The following C8A variants were observed in gnomAD, a reference collection of about 807,000 sequenced individuals.
C8A encodes the protein complement component C8 alpha chain.
Under a neutral mutation model 65.3 loss-of-function variants are expected in C8A, and 67 were observed. The observed-to-expected ratio is 1.03, with a 90% confidence interval of 0.84 to 1.26. C8A has a LOEUF of 1.26. Ranked by LOEUF, C8A falls within the 50% of genes most tolerant of loss-of-function variation. The pLI, the probability that C8A is intolerant of heterozygous loss-of-function variation, is 0.00. For synonymous variants in C8A, 290 were observed against 259.4 expected (o/e 1.12, Z -1.13); for missense variants, 781 against 723.9 (o/e 1.08, Z -0.90).
intron 7 of C8A, among the ~76,000 whole-genome samples, chr1:56,895,741 C>G (rs1644383054): frequency 6.6e-6 from 1 of 152,016 alleles, no homozygotes; most frequent in Non-Finnish European, 1.5e-5. Context: ...GAGTTTGAGA[C>G]CAGCCTGGGC....
chr1:56,900,756 C>T (rs1408507114), intron 7 of C8A, among the ~76,000 whole-genome samples: 2 of 152,322 alleles, frequency 1.3e-5, no homozygotes, highest in African/African-American at 2.4e-5. Flanking sequence ...CTAAAGTCAG[C>T]CAATCCCCAA....
chr1:56,903,342 A>T (rs774165700), intron 7 of C8A, among the ~76,000 whole-genome samples: 1 of 151,806 alleles, frequency 6.6e-6, no homozygotes, highest in Non-Finnish European at 1.5e-5. Flanking sequence ...TTTGCTTGGC[A>T]CTTCTTCTTG....
chr1:56,912,460 C>T lies in C8A; in HGVS notation c.1438C>T (p.Arg480Cys), dbSNP rs774470099. ...HTSLGPLEAKRQNLRRALDQY... is the reference protein window; with the variant it reads ...HTSLGPLEAKCQNLRRALDQY... ...AAGCCTGGGGCCTCTGGAGGCCAAG[C>T]GCCAGAACCTGCGCCGCGCCTTGGA... The change falls in exon 10 of 11, where the codon CGC (arginine) becomes TGC (cysteine). Residue 480 changes from arginine (R) to cysteine (C), a missense_variant. By Grantham distance (180) the Arg-to-Cys change is radical. Transcript: ENST00000361249. 9.9e-6 allele frequency: 16 copies of T among 1,614,220 alleles called. No individual in the cohort carries two copies. Among genetic ancestry groups the T allele is most frequent in the East Asian group, 6.7e-5 (3 of 44,880 alleles).
chr1:56,896,722 T>C (rs1442212027), intron 7 of C8A, among the ~76,000 whole-genome samples: 1 of 152,146 alleles, frequency 6.6e-6, no homozygotes, highest in African/African-American at 2.4e-5. Context: ...CATAGGAAGA[T>C]AGACATGTGG....
Position 56,886,124 on chromosome 1 carries a change from T to C in C8A, c.1053T>C (p.Tyr351=). 6.2e-7 allele frequency: 1 copy of C among 1,614,038 alleles called. No homozygotes were observed. The highest frequency in any genetic ancestry group is 8.5e-7 in the Non-Finnish European group (1 of 1,179,920). ...CATCTGGATCCATGGGTGGCATTTA[T>C]GAATATATCCTGGTGATTGACAAAG... ...YITSGSMGGI[Y]EYILVIDKAK... The change falls in exon 7 of 11, where the codon TAT becomes TAC. Residue 351 remains tyrosine (Y), a synonymous_variant. Transcript: ENST00000361249.
chr1:56,865,290 T>C (rs924539285), intron 1 of C8A, among the ~76,000 whole-genome samples: 3 of 152,224 alleles, frequency 2.0e-5, no homozygotes, highest in African/African-American at 7.2e-5. Flanking sequence ...GCAGCAAGCA[T>C]TTATTCTTCA....
intron 1 of C8A, among the ~76,000 whole-genome samples, chr1:56,861,415 C>T (rs1312452544): frequency 6.6e-6 from 1 of 152,132 alleles, no homozygotes; most frequent in Non-Finnish European, 1.5e-5. Flanking sequence ...TACAACAACT[C>T]ATTTCCATGG....
chr1:56,912,723 C>T, intron 10 of C8A, 98 bp downstream of exon 10: 2 of 1,075,598 alleles, frequency 1.9e-6, no homozygotes, highest in Non-Finnish European at 2.8e-6. Context: ...CCTTTTGGAG[C>T]TCTCCTAGCC....
chr1:56,906,854 G>T, intron 8 of C8A, 62 bp downstream of exon 8: 1 of 1,601,942 alleles, frequency 6.2e-7, no homozygotes, highest in African/African-American at 1.3e-5. Context: ...GACACACACT[G>T]GGACATGGAA....
intron 6 of C8A, 26 bp downstream of exon 6, chr1:56,883,707 C>A: frequency 1.3e-6 from 2 of 1,574,626 alleles, no homozygotes; most frequent in Non-Finnish European, 1.7e-6. Context: ...GTCTGTGTCT[C>A]ACAGTATTCC....
At chr1:56,859,042 T>C (rs539605125) in intron 1 of C8A, among the ~76,000 whole-genome samples, 2 of 152,368 alleles carry the variant, frequency 1.3e-5, no homozygotes, top group Non-Finnish European at 2.9e-5. Flanking sequence ...AAAATTATTT[T>C]TATTACCCTA....
chr1:56,875,189 C>T, intron 3 of C8A, 96 bp downstream of exon 3: 1 of 1,404,594 alleles, frequency 7.1e-7, no homozygotes, highest in South Asian at 1.2e-5. Context: ...ACTCCTGAGC[C>T]CTTCCTCTCG....
At chr1:56,909,036 C>T (rs889854464) in intron 9 of C8A, among the ~76,000 whole-genome samples, 23 of 152,340 alleles carry the variant, frequency 1.5e-4, no homozygotes, top group African/African-American at 5.1e-4. Flanking sequence ...ATGCACAGAA[C>T]AGACCCCACA....
rs74837045 is a variant in C8A at position 56,896,773 on chromosome 1, G to A, written c.1097-9894G>A. Among the ~76,000 whole-genome samples, 30 of 152,314 alleles carry A rather than the reference G, an allele frequency of 2.0e-4. No homozygotes were observed. In the East Asian group the frequency reaches 5.8e-3, roughly 29 times the overall value. On this transcript the variant is annotated intron_variant, in intron 7 of 10. Coordinates refer to ENST00000361249, the MANE Select transcript of C8A (RefSeq NM_000562.3). ...ATGTCAATAACAACTGTGGAGCTAG[G>A]TCTGGAAAGTCTCATGTAATCAAGT...
At chr1:56,878,759 T>C (rs902787344) in intron 4 of C8A, among the ~76,000 whole-genome samples, 1 of 152,112 alleles carries the variant, frequency 6.6e-6, no homozygotes, top group Non-Finnish European at 1.5e-5. Flanking sequence ...CTCTCTCCCT[T>C]CCCTCCCTAG....
rs1206374404 is a variant in C8A at position 56,862,706 on chromosome 1, AAG to A, written c.78-4901_78-4900del. 5.3e-5 allele frequency among the ~76,000 whole-genome samples: 8 copies of A among 152,276 alleles called. No individual in the cohort carries two copies. In the East Asian group the frequency reaches 1.6e-3, roughly 30 times the overall value. ...AGCCCAGCAGATGAGAGGCAAACTG[AAG>A]ATTAGAAGCAAAGACTCCTGAGTCC... On this transcript the variant is annotated intron_variant, in intron 1 of 10. Coordinates refer to ENST00000361249, the MANE Select transcript of C8A (RefSeq NM_000562.3).
intron 7 of C8A, among the ~76,000 whole-genome samples, chr1:56,889,260 C>T (rs1164900816): frequency 6.6e-6 from 1 of 152,158 alleles, no homozygotes; most frequent in Non-Finnish European, 1.5e-5. Context: ...ATCATCACCT[C>T]ATCTGCTGGA....
chr1:56,876,093 T>C lies in C8A; in HGVS notation c.348T>C (p.Asn116=), dbSNP rs753076309. 6.8e-6 allele frequency: 11 copies of C among 1,613,650 alleles called. No homozygotes were observed. The Admixed American group carries it at 1.0e-4, about 15-fold the overall frequency. The part of the protein sequence containing the change: ...GRCLKRHLVC[N]GDQDCLDGSD... ...GCCTGAAACGCCACCTTGTGTGTAA[T>C]GGAGACCAGGACTGCCTTGATGGCT... Residue 116 remains asparagine, a synonymous_variant, in exon 4 of 11, where the codon AAT becomes AAC. Coordinates refer to ENST00000361249, the MANE Select transcript of C8A (RefSeq NM_000562.3).
rs41285938 is a variant in C8A, at chr1:56,917,684, C to T, written c.1723C>T (p.Pro575Ser). The T allele has an allele frequency of 0.012, 19,111 of 1,614,162 alleles. 146 individuals carry two copies. Among genetic ancestry groups the T allele is most frequent in the Non-Finnish European group, 0.014 (17,104 of 1,180,024 alleles). ...PAPQNGGASCPGRKVQTQAC is the reference protein window; with the variant it reads ...PAPQNGGASCSGRKVQTQAC ...ACCTCAGAATGGAGGGGCCTCGTGT[C>T]CAGGGCGGAAAGTACAGACGCAGGC... Residue 575 changes from proline (P) to serine (S), a missense_variant, in exon 11 of 11, where the codon CCA (proline) becomes TCA (serine). By Grantham distance (74) the Pro-to-Ser change is moderately conservative (BLOSUM62 -1). Transcript: ENST00000361249.
Sources: allele counts gnomAD v4.1 joint callset (sites outside exome capture counted in the v4.1 genomes callset), GRCh38; gene constraint gnomAD v4.1.1; transcripts MANE v1.5; gene names NCBI Gene and HGNC (gene_info 2026-07-23, HGNC 2026-07-21).